ERCC3: variants seen among roughly 807,000 people sequenced by gnomAD.
ERCC3 encodes the protein general transcription and DNA repair factor IIH helicase/translocase subunit XPB.
ERCC3 carries 66 observed loss-of-function variants against 94.2 expected under a neutral mutation model. The observed-to-expected ratio is 0.70, with a 90% confidence interval of 0.57 to 0.86. The LOEUF (loss-of-function observed/expected upper bound fraction) is 0.86, where lower values mean the gene tolerates loss of function less well. Among genes scored for constraint, ERCC3 ranks in the 40% least tolerant of loss-of-function variants. The pLI, the probability that ERCC3 is intolerant of heterozygous loss-of-function variation, is 0.00. For missense variants in ERCC3, 829 were observed against 987.1 expected (o/e 0.84, Z 2.15); for synonymous variants, 349 against 369.1 (o/e 0.95, Z 0.63).
chr2:127,276,819 C>A (rs1217783642), intron 10 of ERCC3, among the ~76,000 whole-genome samples: 2 of 152,100 alleles, frequency 1.3e-5, no homozygotes, highest in Non-Finnish European at 2.9e-5. Flanking sequence ...GAGAGAAGAT[C>A]CTACCAGTTT....
At chr2:127,282,563 T>C (rs1274707060) in intron 8 of ERCC3, among the ~76,000 whole-genome samples, 1 of 152,238 alleles carries the variant, frequency 6.6e-6, no homozygotes, top group Non-Finnish European at 1.5e-5. Context: ...ATCTTTATCC[T>C]TTGAGATAAA....
intron 12 of ERCC3, among the ~76,000 whole-genome samples, chr2:127,267,208 A>G (rs1313610571): frequency 1.3e-5 from 2 of 152,124 alleles, no homozygotes; most frequent in Non-Finnish European, 2.9e-5. Context: ...AAAATCTCCT[A>G]CCATTGTTGT....
intron 12 of ERCC3, among the ~76,000 whole-genome samples, chr2:127,269,419 T>TA (rs1197150204): frequency 1.1e-5 from 1 of 90,016 alleles, no homozygotes; most frequent in Non-Finnish European, 2.5e-5. Flanking sequence ...TCTATTCACT[T>TA]TTTTTTTTTT....
At position 127,274,546 on chromosome 2, in the gene ERCC3, G is replaced by A. The variant is rs1409829133; in HGVS notation, c.1731-1585C>T. ...TCAAAGAGCAAACCCCTTGCCTGTG[G>A]GGAAGCTGGATAGGGCCTGGGCAGC... On this transcript the variant is annotated intron_variant, in intron 10 of 14. Coordinates refer to ENST00000285398, the MANE Select transcript of ERCC3 (RefSeq NM_000122.2). The surrounding 1 kb of genome is among the most constrained non-coding windows in gnomAD (Gnocchi z 4.0). Among the ~76,000 whole-genome samples the A allele has an allele frequency of 6.6e-6, 1 of 152,198 alleles. No individual in the cohort carries two copies. Among genetic ancestry groups the A allele is most frequent in the African/African-American group, 2.4e-5 (1 of 41,450 alleles).
chr2:127,265,344 G>GTC (rs2104738476), intron 12 of ERCC3, among the ~76,000 whole-genome samples: 1 of 152,260 alleles, frequency 6.6e-6, no homozygotes, highest in South Asian at 2.1e-4. Context: ...CAGCTGTGAT[G>GTC]TCACCTTTGT....
chr2:127,259,521 T>G lies in ERCC3; in HGVS notation c.2065-73A>C, dbSNP rs1446446810. The G allele has an allele frequency of 4.4e-6, 7 of 1,598,964 alleles. No individual in the cohort carries two copies. In the Admixed American group the frequency reaches 1.0e-4, roughly 23 times the overall value. Reference sequence around the variant, plus strand: ...CAGCCCTCCTCTGCCTTCTCCTGGGTCCACCTGCTTTGGTCACTTCCCTCC... The same window carrying G: ...CAGCCCTCCTCTGCCTTCTCCTGGGGCCACCTGCTTTGGTCACTTCCCTCC... On this transcript the variant is annotated intron_variant, in intron 13 of 14. Transcript: ENST00000285398. The surrounding 1 kb of genome is among the most constrained non-coding windows in gnomAD (Gnocchi z 4.9).
At chr2:127,289,128 C>T (rs948242139) in intron 6 of ERCC3, among the ~76,000 whole-genome samples, 4 of 152,184 alleles carry the variant, frequency 2.6e-5, no homozygotes, top group Non-Finnish European at 5.9e-5. Flanking sequence ...GAAGACCAGC[C>T]TACCAGCCTG....
chr2:127,270,831 C>T (rs1684524125), intron 12 of ERCC3, among the ~76,000 whole-genome samples: 1 of 152,220 alleles, frequency 6.6e-6, no homozygotes, highest in South Asian at 2.1e-4. Context: ...ATTCTCACCT[C>T]CTCACTCACT....
chr2:127,288,787 A>C lies in ERCC3; in HGVS notation c.900T>G (p.Asp300Glu). 6.2e-7 allele frequency: 1 copy of C among 1,614,130 alleles called. No homozygotes were observed. Among genetic ancestry groups the C allele is most frequent in the Non-Finnish European group, 8.5e-7 (1 of 1,179,982 alleles). ...PLLAEYDFRN[D>E]SVNPDINIDL... ...CAATGTTGATATCAGGGTTGACAGA[A>C]TCATTCCGGAAGTCATATTCTGCCA... Residue 300 changes from aspartate to glutamate, a missense_variant, in exon 7 of 15, where the codon GAT (aspartate) becomes GAG (glutamate). Asp to Glu is a conservative substitution (Grantham distance 45, BLOSUM62 2). Transcript: ENST00000285398.
intron 12 of ERCC3, among the ~76,000 whole-genome samples, chr2:127,268,975 C>G (rs1053925565): frequency 2.0e-5 from 3 of 150,582 alleles, no homozygotes; most frequent in Non-Finnish European, 4.4e-5. Context: ...AGTGACAGTC[C>G]GTGACAACTG....
chr2:127,260,444 A>G (rs1380907864), intron 13 of ERCC3: 1 of 152,292 alleles, frequency 6.6e-6, no homozygotes, highest in Non-Finnish European at 1.5e-5. Flanking sequence ...ACTGGGCTCA[A>G]AACCCAAGCA....
chr2:127,280,821 C>A lies in ERCC3; in HGVS notation c.1343-190G>T. On this transcript the variant is annotated intron_variant, in intron 8 of 14. Transcript: ENST00000285398. This position sits in a 1 kb window ranked among gnomAD's most constrained non-coding sequence, Gnocchi z 6.3. ...GGATTACAGACGTGACCCACTGCAC[C>A]CAGCCTACACTGTCACTTTTTCAAA... The A allele has an allele frequency of 1.7e-6, 1 of 602,820 alleles. No individual in the cohort carries two copies. 37.3% of individuals were successfully genotyped at this position (602,820 alleles called of 1,614,324 possible).
At position 127,258,121 on chromosome 2, in the gene ERCC3, C is replaced by T. The variant is rs544725531; in HGVS notation, c.2218-394G>A. Among the ~76,000 whole-genome samples, 1 of 151,944 alleles carries T rather than the reference C, an allele frequency of 6.6e-6. No individual in the cohort carries two copies. The highest frequency in any genetic ancestry group is 2.4e-5 in the African/African-American group (1 of 41,430). ...AAACTTTTTTTTTTTAAGAGAGAAACAGGGTCTCGATATGTTGACCATGCT... is the reference window on the plus strand; with the variant it reads ...AAACTTTTTTTTTTTAAGAGAGAAATAGGGTCTCGATATGTTGACCATGCT... On this transcript the variant is annotated intron_variant, in intron 14 of 14. Transcript: ENST00000285398. This position sits in a 1 kb window ranked among gnomAD's most constrained non-coding sequence, Gnocchi z 4.1.
At chr2:127,282,804 G>A (rs1426924984) in intron 8 of ERCC3, among the ~76,000 whole-genome samples, 16 of 152,220 alleles carry the variant, frequency 1.1e-4, no homozygotes, top group Admixed American at 1.0e-3. Flanking sequence ...ACGAGAGACA[G>A]ACAAACTCAC....
At chr2:127,272,050 C>T (rs1013057605) in intron 11 of ERCC3, among the ~76,000 whole-genome samples, 1 of 113,692 alleles carries the variant, frequency 8.8e-6, no homozygotes, top group Non-Finnish European at 1.7e-5. Context: ...CGGAGTCTCG[C>T]TCTTGTTGCC....
In ERCC3 at chr2:127,279,408, C is replaced by T; in HGVS notation, c.1528-33G>A. 6.8e-7 allele frequency: 1 copy of T among 1,468,272 alleles called. No individual in the cohort carries two copies. Among genetic ancestry groups the T allele is most frequent in the Non-Finnish European group, 9.6e-7 (1 of 1,047,036 alleles). 91.0% of individuals were successfully genotyped at this position (1,468,272 alleles called of 1,614,324 possible). ...ACAGTAAGAACCAGGGGTCATTTTA[C>T]AAGTTTAAACACCACACAATTTAAA... On this transcript the variant is annotated intron_variant, in intron 9 of 14. Coordinates refer to ENST00000285398, the MANE Select transcript of ERCC3 (RefSeq NM_000122.2). This position sits in a 1 kb window ranked among gnomAD's most constrained non-coding sequence, Gnocchi z 4.7.
intron 4 of ERCC3, 190 bp from the exon 5 acceptor site, chr2:127,290,014 C>T: frequency 1.2e-6 from 1 of 801,078 alleles, no homozygotes; most frequent in Non-Finnish European, 2.1e-6. Flanking sequence ...GTCAAGTAGG[C>T]AGGGGCCTGA....
intron 6 of ERCC3, 41 bp from the exon 7 acceptor site, chr2:127,288,905 T>G: frequency 2.0e-6 from 3 of 1,489,048 alleles, no homozygotes; most frequent in Non-Finnish European, 2.8e-6. Context: ...ATCTTGTTAC[T>G]GTGCTCAAAA....
chr2:127,271,427 C>T lies in ERCC3; in HGVS notation c.1854G>A (p.Pro618=), dbSNP rs765724086. 2.9e-5 allele frequency: 46 copies of T among 1,613,824 alleles called. No homozygotes were observed. Among genetic ancestry groups the T allele is most frequent in the African/African-American group, 1.5e-4 (11 of 74,826 alleles). The change falls in exon 12 of 15, where the codon CCG becomes CCA. Residue 618 remains proline (P), a synonymous_variant. Transcript: ENST00000285398. The surrounding 1 kb of genome is among the most constrained non-coding windows in gnomAD (Gnocchi z 5.0). ...AGATCTGAATGAGGACATTTGCTTCCGGCAGATCAAACGAAGTGTCACCTA... is the reference window on the plus strand; with the variant it reads ...AGATCTGAATGAGGACATTTGCTTCTGGCAGATCAAACGAAGTGTCACCTA... ...SKVGDTSFDL[P]EANVLIQISS...
Sources: allele counts gnomAD v4.1 joint callset (sites outside exome capture counted in the v4.1 genomes callset), GRCh38; gene constraint gnomAD v4.1.1; non-coding constraint Gnocchi (gnomAD v3.1); transcripts MANE v1.5; gene names NCBI Gene and HGNC (gene_info 2026-07-23, HGNC 2026-07-21).